LMAN1: variants seen among roughly 807,000 people sequenced by gnomAD.
LMAN1 encodes the protein protein ERGIC-53.
LMAN1 carries 32 observed loss-of-function variants against 67.8 expected under a neutral mutation model. That is an observed-to-expected ratio of 0.47 (90% confidence interval 0.36 to 0.63). The LOEUF (loss-of-function observed/expected upper bound fraction) is 0.63, where lower values mean the gene tolerates loss of function less well. Among genes scored for constraint, LMAN1 ranks in the 30% least tolerant of loss-of-function variants. The probability of loss-of-function intolerance (pLI) is 0.00; values close to 1 mark genes in which losing one functional copy is unlikely to be tolerated. For missense variants in LMAN1, 632 were observed against 628.2 expected, an observed-to-expected ratio of 1.01 and a Z score of -0.06; for synonymous variants, 235 against 219.3, an observed-to-expected ratio of 1.07 and a Z score of -0.63.
At chr18:59,352,902 T>C (rs1412920683) in intron 5 of LMAN1, 2 of 354,912 alleles carry the variant, frequency 5.6e-6, no homozygotes, top group Non-Finnish European at 1.1e-5. Flanking sequence ...TTGGAGATTA[T>C]CCGTCTATCT....
chr18:59,337,491 C>T (rs1908185643), intron 10 of LMAN1, among the ~76,000 whole-genome samples: 1 of 151,944 alleles, frequency 6.6e-6, no homozygotes. Context: ...ACAATTAAAC[C>T]ATGGTTATAT....
intron 10 of LMAN1, among the ~76,000 whole-genome samples, chr18:59,338,126 G>A (rs1230566119): frequency 1.3e-5 from 2 of 152,248 alleles, no homozygotes; most frequent in Non-Finnish European, 1.5e-5. Flanking sequence ...CACATATTAC[G>A]TTCAAAATGG....
chr18:59,355,165 A>G lies in LMAN1; in HGVS notation c.477+148T>C, dbSNP rs150392343. 5,791 of 706,054 alleles carry G rather than the reference A, an allele frequency of 8.2e-3. 46 individuals are homozygous for G. Among genetic ancestry groups the G allele is most frequent in the Non-Finnish European group, 0.011 (4,551 of 398,264 alleles). 43.7% of individuals were successfully genotyped at this position (706,054 alleles called of 1,614,324 possible). A position where few individuals can be genotyped will look rare whatever the true frequency, so the allele number is the denominator to read the frequency against. ...ATTAAACTGATACATTCCTAGCTAT[A>G]TAAAGACTAATTATCACATTTACCA... On this transcript the variant is annotated intron_variant, in intron 3 of 12. Coordinates refer to ENST00000251047, the MANE Select transcript of LMAN1 (RefSeq NM_005570.4).
At chr18:59,350,807 T>A (rs1908528328) in intron 5 of LMAN1, among the ~76,000 whole-genome samples, 1 of 152,134 alleles carries the variant, frequency 6.6e-6, no homozygotes, top group African/African-American at 2.4e-5. Flanking sequence ...AATTTTTTTT[T>A]AAAGGACGTA....
chr18:59,358,893 AG>A (rs1908726896), intron 1 of LMAN1, 137 bp downstream of exon 1: 2 of 852,900 alleles, frequency 2.3e-6, no homozygotes, highest in Admixed American at 4.0e-5. Flanking sequence ...GGCTGCCAGG[AG>A]GGTCCCCTCC....
intron 7 of LMAN1, 145 bp from the exon 8 acceptor site, chr18:59,346,196 A>C: frequency 2.1e-6 from 1 of 468,982 alleles, no homozygotes; most frequent in East Asian, 4.1e-5. Context: ...TACTTAAACG[A>C]TAGCAAATTA....
intron 3 of LMAN1, among the ~76,000 whole-genome samples, chr18:59,354,825 A>C (rs1257112024): frequency 6.6e-6 from 1 of 152,218 alleles, no homozygotes; most frequent in Non-Finnish European, 1.5e-5. Flanking sequence ...GCCACAAGCT[A>C]ATGTTTCCAA....
intron 1 of LMAN1, among the ~76,000 whole-genome samples, chr18:59,358,440 T>C (rs370622947): frequency 1.3e-5 from 2 of 152,096 alleles, no homozygotes; most frequent in East Asian, 3.8e-4. Context: ...GTTCCAACAG[T>C]ATAAGAATGT....
Position 59,331,006 on chromosome 18 carries a change from A to C in LMAN1, c.*87T>G, listed in dbSNP as rs1603393594. 2 of 861,158 alleles carry C rather than the reference A, an allele frequency of 2.3e-6. No individual in the cohort carries two copies. Among genetic ancestry groups the C allele is most frequent in the East Asian group, 4.9e-5 (2 of 40,502 alleles). The allele number at this position is 861,158 out of a possible 1,614,324, so 53.3% of individuals were successfully genotyped here. A position where few individuals can be genotyped will look rare whatever the true frequency, so the allele number is the denominator to read the frequency against. The stretch of plus-strand genomic sequence containing the variant: ...ATTTTATTAAGAAAATTAATAATTT[A>C]GACTATGAAGCAATTTAAATACTTA... On this transcript the variant is annotated 3_prime_UTR_variant, in exon 13 of 13. Coordinates refer to ENST00000251047, the MANE Select transcript of LMAN1 (RefSeq NM_005570.4).
rs1236510176 is a variant in LMAN1, at chr18:59,338,891, G to A, written c.1018C>T (p.Arg340Cys). The change falls in exon 9 of 13, where the codon CGT (arginine) becomes TGT (cysteine). Residue 340 changes from arginine (R) to cysteine (C), a missense_variant. Transcript: ENST00000251047. ...AGCTGCTTGATTTCAAGATGAATAC[G>A]ATTCTGTCCTTCAAAGACTTGTCTT... ...ELRQVFEGQN[R>C]IHLEIKQLNR... 4 of 1,613,384 alleles carry A rather than the reference G, an allele frequency of 2.5e-6. No homozygotes were observed. Among genetic ancestry groups the A allele is most frequent in the South Asian group, 2.2e-5 (2 of 91,068 alleles).
intron 4 of LMAN1, 87 bp downstream of exon 4, chr18:59,354,432 G>A: frequency 1.3e-6 from 1 of 771,510 alleles, no homozygotes; most frequent in Non-Finnish European, 2.3e-6. Flanking sequence ...TTTTCATTTG[G>A]AAGGTGTTCA....
rs1908742657 is a variant in LMAN1 at position 59,359,234 on chromosome 18, G to C, written c.11C>G (p.Ser4Cys). The change falls in exon 1 of 13, where the codon TCC becomes TGC. Residue 4 changes from serine (S) to cysteine (C), a missense_variant. Physicochemically the swap from Ser to Cys is moderately radical, Grantham distance 112 (BLOSUM62 -1). Transcript: ENST00000251047. Reference sequence around the variant, plus strand: ...TCTGGCCCGGAGACCCCTTTGCCTGGATCCCGCCATCTTGGATTCTGGAAC... The same window carrying C: ...TCTGGCCCGGAGACCCCTTTGCCTGCATCCCGCCATCTTGGATTCTGGAAC... Reference protein sequence around the residue: MAGSRQRGLRARVR... With the variant: MAGCRQRGLRARVR... The C allele has an allele frequency of 6.2e-7, 1 of 1,613,656 alleles. No homozygotes were observed. Among genetic ancestry groups the C allele is most frequent in the Admixed American group, 1.7e-5 (1 of 59,990 alleles).
At chr18:59,344,489 G>C (rs41523748) in intron 8 of LMAN1, among the ~76,000 whole-genome samples, 6,963 of 152,138 alleles carry the variant, frequency 0.046, 219 homozygotes, top group Non-Finnish European at 0.071. Flanking sequence ...CATAAAATAA[G>C]AATGAAATTA....
chr18:59,357,495 T>C (rs1054740624), intron 1 of LMAN1, among the ~76,000 whole-genome samples: 2 of 152,130 alleles, frequency 1.3e-5, no homozygotes, highest in Non-Finnish European at 2.9e-5. Flanking sequence ...CTCCAAAAAC[T>C]TGTGTTTGAT....
In LMAN1 at chr18:59,338,971, A is replaced by G. The variant is rs1908227635; in HGVS notation, c.956-18T>C. 1 of 1,603,412 alleles carries G rather than the reference A, an allele frequency of 6.2e-7. No individual in the cohort carries two copies. Among genetic ancestry groups the G allele is most frequent in the Non-Finnish European group, 8.5e-7 (1 of 1,174,714 alleles). Reference sequence around the variant, plus strand: ...TTCCTCCGCTGAAAAGGAAATAAATAAAAATGATCAGAGTCACCTACACAT... The same window carrying G: ...TTCCTCCGCTGAAAAGGAAATAAATGAAAATGATCAGAGTCACCTACACAT... On this transcript the variant is annotated intron_variant, in intron 8 of 12. Coordinates refer to ENST00000251047, the MANE Select transcript of LMAN1 (RefSeq NM_005570.4).
intron 8 of LMAN1, among the ~76,000 whole-genome samples, chr18:59,341,155 G>A (rs1054292524): frequency 6.6e-6 from 1 of 151,944 alleles, no homozygotes; most frequent in Non-Finnish European, 1.5e-5. Context: ...TCACCAAGAG[G>A]ATATAACAAT....
chr18:59,357,644 G>A (rs1255999702), intron 1 of LMAN1, among the ~76,000 whole-genome samples: 1 of 152,090 alleles, frequency 6.6e-6, no homozygotes, highest in East Asian at 1.9e-4. Context: ...ACTACTTAAT[G>A]ACTTGGTCAT....
intron 10 of LMAN1, among the ~76,000 whole-genome samples, chr18:59,336,126 T>G (rs1453442044): frequency 6.6e-6 from 1 of 152,206 alleles, no homozygotes; most frequent in Non-Finnish European, 1.5e-5. Context: ...TACAGACTCA[T>G]GTACATGCAT....
chr18:59,344,368 T>C (rs946509290), intron 8 of LMAN1, among the ~76,000 whole-genome samples: 35 of 152,126 alleles, frequency 2.3e-4, no homozygotes, highest in Non-Finnish European at 1.2e-4. Flanking sequence ...CTATTTACAA[T>C]AGCAAAGATA....
Sources: gnomAD v4.1 joint callset for allele counts (sites outside exome capture counted in the v4.1 genomes callset) on GRCh38, gnomAD v4.1.1 for gene constraint, MANE v1.5 for transcripts, NCBI Gene and HGNC (gene_info 2026-07-23, HGNC 2026-07-21) for gene names.